SEC24D: variants seen among roughly 807,000 people sequenced by gnomAD.
SEC24D encodes the protein SEC24 homolog D, COPII component.
In SEC24D, 69 loss-of-function variants were observed where a neutral mutation model predicts 116.9. That is an observed-to-expected ratio of 0.59 (90% CI 0.49 to 0.72). SEC24D has a LOEUF of 0.72. Among genes scored for constraint, SEC24D ranks in the 30% least tolerant of loss-of-function variants. The pLI, the probability that SEC24D is intolerant of heterozygous loss-of-function variation, is 0.00. For synonymous variants in SEC24D, 405 were observed against 442.8 expected (o/e 0.91, Z 1.07); for missense variants, 1,131 against 1,264.1 (o/e 0.89, Z 1.60).
In SEC24D at chr4:118,814,897, TC is replaced by T. The variant is rs145852532; in HGVS notation, c.801+130del. 2.0e-3 allele frequency: 1,993 copies of T among 1,005,758 alleles called. 11 individuals are homozygous for T. Among genetic ancestry groups the T allele is most frequent in the African/African-American group, 0.016 (985 of 61,996 alleles). The allele number at this position is 1,005,758 out of a possible 1,614,324, so 62.3% of individuals were successfully genotyped here. A position where few individuals can be genotyped will look rare whatever the true frequency, so the allele number is the denominator to read the frequency against. On this transcript the variant is annotated intron_variant, in intron 6 of 22. Transcript: ENST00000280551. ...TACATGCATATAAGGAAGGAAGCCT[TC>T]CCTCTATGTGATGAGTATCTCCTAA... is the stretch of plus-strand genomic sequence containing the variant.
At chr4:118,807,868 T>C (rs1729741473) in intron 6 of SEC24D, among the ~76,000 whole-genome samples, 1 of 152,230 alleles carries the variant, frequency 6.6e-6, no homozygotes. Context: ...AGACTAAAGC[T>C]ACCATGAGCA....
At chr4:118,782,577 G>A (rs760278776) in intron 8 of SEC24D, among the ~76,000 whole-genome samples, 1 of 152,264 alleles carries the variant, frequency 6.6e-6, no homozygotes, top group Non-Finnish European at 1.5e-5. Context: ...TGAGGAGGCA[G>A]TCTGTCCGTT....
chr4:118,823,982 A>C (rs1168347017), intron 3 of SEC24D, among the ~76,000 whole-genome samples: 1 of 152,218 alleles, frequency 6.6e-6, no homozygotes, highest in Non-Finnish European at 1.5e-5. Context: ...AGAATGATTT[A>C]AAGTTTTATT....
intron 7 of SEC24D, among the ~76,000 whole-genome samples, chr4:118,802,226 C>G (rs563904829): frequency 2.0e-5 from 3 of 152,130 alleles, no homozygotes; most frequent in Non-Finnish European, 4.4e-5. Flanking sequence ...AACCAAAGGA[C>G]AAGTGGAATC....
intron 13 of SEC24D, among the ~76,000 whole-genome samples, chr4:118,751,176 CTTTT>C (rs1185148886): frequency 3.0e-5 from 3 of 100,324 alleles, no homozygotes; most frequent in Non-Finnish European, 4.0e-5. Context: ...AGAGTGAGGG[CTTTT>C]TTTTTTTTTT....
intron 2 of SEC24D, among the ~76,000 whole-genome samples, chr4:118,830,344 C>T (rs1730792727): frequency 6.6e-6 from 1 of 152,232 alleles, no homozygotes; most frequent in Non-Finnish European, 1.5e-5. Flanking sequence ...GAGAGGATCA[C>T]TTGAGCTGAG....
intron 8 of SEC24D, among the ~76,000 whole-genome samples, chr4:118,782,357 T>C (rs1728453846): frequency 6.6e-6 from 1 of 152,210 alleles, no homozygotes; most frequent in Admixed American, 6.5e-5. Context: ...AGCAGGGCTG[T>C]TGGAGTTTGC....
rs141850654 is a variant in SEC24D, at chr4:118,814,129, C to T, written c.801+899G>A. On this transcript the variant is annotated intron_variant, in intron 6 of 22. Coordinates refer to ENST00000280551, the MANE Select transcript of SEC24D (RefSeq NM_014822.4). ...ACACAAAATAAACTGTAGCCAATTTCGTTATTATTCCAAAAGGATTTTACA... is the reference window on the plus strand; with the variant it reads ...ACACAAAATAAACTGTAGCCAATTTTGTTATTATTCCAAAAGGATTTTACA... Among the ~76,000 whole-genome samples, 749 of 152,282 alleles carry T rather than the reference C, an allele frequency of 4.9e-3. 6 individuals carry two copies. Among genetic ancestry groups the T allele is most frequent in the African/African-American group, 0.017 (709 of 41,556 alleles).
At chr4:118,785,381 T>C (rs540848522) in intron 8 of SEC24D, among the ~76,000 whole-genome samples, 8 of 152,314 alleles carry the variant, frequency 5.3e-5, no homozygotes, top group Non-Finnish European at 8.8e-5. Flanking sequence ...AAAAATCAGA[T>C]GTGGTCCCTA....
At chr4:118,791,967 G>A (rs1016979047) in intron 8 of SEC24D, among the ~76,000 whole-genome samples, 6 of 151,546 alleles carry the variant, frequency 4.0e-5, no homozygotes, top group African/African-American at 7.3e-5. Flanking sequence ...AGTGAGGAGC[G>A]TCTCTGCCTG....
intron 8 of SEC24D, among the ~76,000 whole-genome samples, chr4:118,795,401 G>A (rs1334658905): frequency 6.6e-6 from 1 of 151,784 alleles, no homozygotes; most frequent in Non-Finnish European, 1.5e-5. Flanking sequence ...TAGAGATGGG[G>A]TTTCATCATA....
rs577307361 is a variant in SEC24D at position 118,752,798 on chromosome 4, G to C, written c.1512C>G (p.Ala504=). 2 of 1,611,376 alleles carry C rather than the reference G, an allele frequency of 1.2e-6. No individual in the cohort carries two copies. Among genetic ancestry groups the C allele is most frequent in the Non-Finnish European group, 1.7e-6 (2 of 1,178,894 alleles). The change falls in exon 12 of 23, where the codon GCC becomes GCG. Residue 504 remains alanine (A), a synonymous_variant. Transcript: ENST00000280551. ...CAGTCACCACCATCATCTGAGGCTGGGCCAGATTACTCTTCACATTAAAGA... is the reference window on the plus strand; with the variant it reads ...CAGTCACCACCATCATCTGAGGCTGCGCCAGATTACTCTTCACATTAAAGA... ...LHFFNVKSNL[A]QPQMMVVTDV...
In SEC24D at chr4:118,798,755, A is replaced by G. The variant is rs78055557; in HGVS notation, c.914-945T>C. 3.1e-3 allele frequency among the ~76,000 whole-genome samples: 466 copies of G among 152,360 alleles called. 2 individuals carry two copies. The highest frequency in any genetic ancestry group is 0.011 in the African/African-American group (441 of 41,594). On this transcript the variant is annotated intron_variant, in intron 7 of 22. Transcript: ENST00000280551. The stretch of plus-strand genomic sequence containing the variant: ...GCAGATTGCAATTTTAAATACTTAC[A>G]AGGTAGGCCTTATTTAAAAGGTAAC...
chr4:118,827,960 T>C (rs1730653398), intron 2 of SEC24D, among the ~76,000 whole-genome samples: 1 of 152,138 alleles, frequency 6.6e-6, no homozygotes, highest in South Asian at 2.1e-4. Context: ...AAAATGTTTA[T>C]CTAAAATAAA....
At chr4:118,740,325 G>C (rs1560617324) in intron 17 of SEC24D, among the ~76,000 whole-genome samples, 2 of 152,166 alleles carry the variant, frequency 1.3e-5, no homozygotes. Context: ...AGCAGCCCTA[G>C]CAAATTAATA....
intron 3 of SEC24D, among the ~76,000 whole-genome samples, chr4:118,822,184 T>A (rs1442083232): frequency 2.0e-5 from 3 of 152,204 alleles, no homozygotes; most frequent in African/African-American, 7.2e-5. Flanking sequence ...CATGTATTAA[T>A]CATTAAAATC....
chr4:118,740,965 T>C lies in SEC24D; in HGVS notation c.2068A>G (p.Ile690Val), dbSNP rs780557719. 26 of 1,600,972 alleles carry C rather than the reference T, an allele frequency of 1.6e-5. No individual in the cohort carries two copies. In the Admixed American group the frequency reaches 3.8e-4, roughly 23 times the overall value. The part of the protein sequence containing the change: ...DIEKKIGFDA[I>V]MRVRTSTGFR... The stretch of plus-strand genomic sequence containing the variant: ...CCTGTGCTGGTACGAACCCTCATAA[T>C]AGCATCAAAGCCTATTTTCTTTTCA... The change falls in exon 16 of 23, where the codon ATT becomes GTT. Residue 690 changes from isoleucine (I) to valine (V), a missense_variant. Ile to Val is a conservative substitution (Grantham distance 29). Coordinates refer to ENST00000280551, the MANE Select transcript of SEC24D (RefSeq NM_014822.4).
rs1727548163 is a variant in SEC24D at position 118,764,589 on chromosome 4, A to C, written c.1296+213T>G. The C allele has an allele frequency of 8.9e-6, 4 of 447,806 alleles. No individual in the cohort carries two copies. In the South Asian group the frequency reaches 1.7e-4, roughly 19 times the overall value. 27.7% of individuals were successfully genotyped at this position (447,806 alleles called of 1,614,324 possible). On this transcript the variant is annotated intron_variant, in intron 10 of 22. Coordinates refer to ENST00000280551, the MANE Select transcript of SEC24D (RefSeq NM_014822.4). ...TTTTCTATTTCTGACACCACATTTC[A>C]GTTTTTAAAAATAATTCCTCCAGTA...
intron 8 of SEC24D, among the ~76,000 whole-genome samples, chr4:118,771,507 C>T (rs1727901265): frequency 6.6e-6 from 1 of 152,030 alleles, no homozygotes; most frequent in South Asian, 2.1e-4. Flanking sequence ...ACGGGTGTGC[C>T]AAATACTGTG....
Sources: gnomAD v4.1 joint callset for allele counts (sites outside exome capture counted in the v4.1 genomes callset) on GRCh38, gnomAD v4.1.1 for gene constraint, MANE v1.5 for transcripts, NCBI Gene and HGNC (gene_info 2026-07-23, HGNC 2026-07-21) for gene names.